The following TENM2 variants were observed in gnomAD, a reference collection of about 807,000 sequenced individuals.
The protein encoded by TENM2 is teneurin transmembrane protein 2, also known as teneurin-2.
In TENM2, 52 loss-of-function variants were observed where a neutral mutation model predicts 245.2. The observed-to-expected ratio is 0.21, with a 90% CI of 0.17 to 0.27. The LOEUF (loss-of-function observed/expected upper bound fraction) is 0.27, where lower values mean the gene tolerates loss of function less well. TENM2 is among the 10% of genes least tolerant of loss of function. The pLI, the probability that TENM2 is intolerant of heterozygous loss-of-function variation, is 1.00. For missense variants in TENM2, 3,046 were observed against 3,666.8 expected, an observed-to-expected ratio of 0.83 and a Z score of 4.37; for synonymous variants, 1,363 against 1,438.9, an observed-to-expected ratio of 0.95 and a Z score of 1.19.
At chr5:167,188,508 T>G in the TENM2 span, among the ~76,000 whole-genome samples, 9 of 152,318 alleles carry the variant, frequency 5.9e-5, no homozygotes, top group African/African-American at 2.2e-4. Flanking sequence ...TAGGAAACCC[T>G]TCACTCAGTA....
chr5:167,894,996 A>AGGGAG (rs1583301966), intron 3 of TENM2, among the ~76,000 whole-genome samples: 2 of 112,908 alleles, frequency 1.8e-5, no homozygotes, highest in East Asian at 3.4e-4. Flanking sequence ...GAAGGAGGGA[A>AGGGAG]GGAAGGAAGG....
chr5:167,675,588 A>G (rs1049160896), intron 2 of TENM2, among the ~76,000 whole-genome samples: 1 of 152,066 alleles, frequency 6.6e-6, no homozygotes, highest in African/African-American at 2.4e-5. Flanking sequence ...CATTTTCTTG[A>G]CCACATGATT....
intron 13 of TENM2, among the ~76,000 whole-genome samples, chr5:168,178,214 T>TCACTGTCTGGCACCAGGCTGCCACC (rs1759522250): frequency 6.6e-6 from 1 of 152,160 alleles, no homozygotes; most frequent in African/African-American, 2.4e-5. Context: ...CCCCAGCAGG[T>TCACTGTCTGGCACCAGGCTGCCACC]CACTGTCTGG....
At chr5:167,601,448 C>A (rs1211113690) in intron 2 of TENM2, among the ~76,000 whole-genome samples, 1 of 152,230 alleles carries the variant, frequency 6.6e-6, no homozygotes, top group Non-Finnish European at 1.5e-5. Context: ...TTATTCCTTG[C>A]ATATATTTTA....
chr5:167,737,567 C>G (rs1760888442), intron 2 of TENM2, among the ~76,000 whole-genome samples: 1 of 152,174 alleles, frequency 6.6e-6, no homozygotes, highest in African/African-American at 2.4e-5. Context: ...CGCTGAGGGT[C>G]CAGTCCTTTG....
intron 7 of TENM2, among the ~76,000 whole-genome samples, chr5:168,072,111 T>G (rs1403777215): frequency 1.3e-5 from 2 of 152,198 alleles, no homozygotes; most frequent in Admixed American, 1.3e-4. Flanking sequence ...CATTGGGCCC[T>G]CCTATTGATC....
chr5:167,591,764 A>G (rs958112465), intron 2 of TENM2, among the ~76,000 whole-genome samples: 2 of 152,300 alleles, frequency 1.3e-5, no homozygotes, highest in East Asian at 1.9e-4. Context: ...CCCTAACCCT[A>G]TTTCTGCATA....
intron 2 of TENM2, among the ~76,000 whole-genome samples, chr5:167,787,434 G>A (rs531642456): frequency 5.9e-5 from 9 of 152,232 alleles, no homozygotes; most frequent in East Asian, 1.9e-4. Flanking sequence ...CTTCATGACC[G>A]GGGCTTCCTT....
intron 5 of TENM2, among the ~76,000 whole-genome samples, chr5:168,011,533 A>G (rs1027176600): frequency 6.6e-6 from 1 of 152,214 alleles, no homozygotes; most frequent in African/African-American, 2.4e-5. Flanking sequence ...TTATAATTAC[A>G]TCTTCAGATA....
intron 2 of TENM2, among the ~76,000 whole-genome samples, chr5:167,565,827 T>C (rs1190122433): frequency 6.6e-6 from 1 of 152,176 alleles, no homozygotes; most frequent in East Asian, 1.9e-4. Flanking sequence ...CTCACACTAA[T>C]ATATGGTCAT....
At chr5:167,286,842 C>A (rs558254690) in intron 1 of TENM2, among the ~76,000 whole-genome samples, 1 of 152,204 alleles carries the variant, frequency 6.6e-6, no homozygotes, top group South Asian at 2.1e-4. Context: ...TAAAATAAAA[C>A]CAAGGACTGG....
chr5:167,586,964 A>AG (rs1233325290), intron 2 of TENM2, among the ~76,000 whole-genome samples: 1 of 152,160 alleles, frequency 6.6e-6, no homozygotes, highest in African/African-American at 2.4e-5. Flanking sequence ...TTGGGCTCTG[A>AG]GGGGGTGCAG....
intron 23 of TENM2, among the ~76,000 whole-genome samples, chr5:168,219,885 TTGATCATTC>T (rs1384871630): frequency 6.7e-5 from 10 of 149,398 alleles, no homozygotes; most frequent in Non-Finnish European, 1.3e-4. Context: ...AACCTCATTG[TTGATCATTC>T]CTAAACCCGG....
the TENM2 span, among the ~76,000 whole-genome samples, chr5:167,072,931 C>T: frequency 1.3e-5 from 2 of 152,156 alleles, no homozygotes; most frequent in African/African-American, 4.8e-5. Flanking sequence ...CTGTGTATTT[C>T]TGCATTTGTA....
the TENM2 span, among the ~76,000 whole-genome samples, chr5:167,152,693 A>G: frequency 2.0e-5 from 3 of 152,076 alleles, no homozygotes; most frequent in Admixed American, 2.0e-4. Context: ...GTGGCTTTCA[A>G]CCTCATAATG....
chr5:167,255,561 A>C, the TENM2 span, among the ~76,000 whole-genome samples: 29 of 152,294 alleles, frequency 1.9e-4, no homozygotes, highest in African/African-American at 6.7e-4. Flanking sequence ...ATGTTTTCTA[A>C]GGGTTTTATG....
intron 2 of TENM2, among the ~76,000 whole-genome samples, chr5:167,599,812 TGTG>T (rs1393250674): frequency 6.6e-6 from 1 of 152,098 alleles, no homozygotes; most frequent in Non-Finnish European, 1.5e-5. Context: ...ACAGATGACT[TGTG>T]GAGTATAAAA....
At chr5:167,080,173 A>G in the TENM2 span, among the ~76,000 whole-genome samples, 1 of 152,212 alleles carries the variant, frequency 6.6e-6, no homozygotes, top group Non-Finnish European at 1.5e-5. Context: ...ATGGGTGTCT[A>G]AAATATTGGT....
rs1766407722 is a variant in TENM2 at position 168,244,832 on chromosome 5, T to C, written c.5817+116T>C. On this transcript the variant is annotated intron_variant, in intron 26 of 28. Coordinates refer to ENST00000518659, the Ensembl canonical transcript of TENM2. This position sits in a 1 kb window ranked among gnomAD's most constrained non-coding sequence, Gnocchi z 4.9. The stretch of plus-strand genomic sequence containing the variant: ...TTGCCCAGGCTGGAGTGCAGTGGCA[T>C]GATCTCGGCTCACTGCAACCTCTGC... The C allele has an allele frequency of 1.2e-6, 1 of 839,388 alleles. No individual in the cohort carries two copies. Among genetic ancestry groups the C allele is most frequent in the East Asian group, 3.3e-5 (1 of 30,274 alleles). 52.0% of individuals were successfully genotyped at this position (839,388 alleles called of 1,614,324 possible).
Sources: allele counts gnomAD v4.1 joint callset (sites outside exome capture counted in the v4.1 genomes callset), GRCh38; gene constraint gnomAD v4.1.1; non-coding constraint Gnocchi (gnomAD v3.1); transcripts MANE v1.5; gene names NCBI Gene and HGNC (gene_info 2026-07-23, HGNC 2026-07-21).